The following DYSF variants were observed in gnomAD, a reference collection of about 807,000 sequenced individuals.
The protein encoded by DYSF is dysferlin, also known as dystrophy-associated fer-1-like 1.
Under a neutral mutation model 274.9 loss-of-function variants are expected in DYSF, and 212 were observed. The observed-to-expected ratio is 0.77, with a 90% confidence interval of 0.69 to 0.86. The LOEUF is 0.86. Ranked by LOEUF, DYSF falls within the 40% of genes least tolerant of loss-of-function variation. The pLI is 0.00. For synonymous variants in DYSF, 1,091 were observed against 1,078.7 expected (o/e 1.01, Z -0.22); for missense variants, 2,666 against 2,783.2 (o/e 0.96, Z 0.95).
At chr2:71,643,450 T>C (rs1212951322) in intron 41 of DYSF, among the ~76,000 whole-genome samples, 1 of 152,248 alleles carries the variant, frequency 6.6e-6, no homozygotes, top group Non-Finnish European at 1.5e-5. Context: ...GGTTAAGTGC[T>C]GATTTCCAAT....
At chr2:71,673,600 C>T (rs189784804) in intron 51 of DYSF, among the ~76,000 whole-genome samples, 53 of 152,124 alleles carry the variant, frequency 3.5e-4, no homozygotes, top group African/African-American at 1.2e-3. Flanking sequence ...GGGTGGGGTC[C>T]CTCAGGGTCT....
chr2:71,454,432 G>T (rs187400764), intron 1 of DYSF, among the ~76,000 whole-genome samples: 2 of 152,260 alleles, frequency 1.3e-5, no homozygotes, highest in East Asian at 1.9e-4. Flanking sequence ...GTACTGCAGG[G>T]CTCTCCTCCT....
In DYSF at chr2:71,548,414, G is replaced by T. The variant is rs138996763; in HGVS notation, c.1577-2627G>T. 2.7e-3 allele frequency among the ~76,000 whole-genome samples: 405 copies of T among 152,332 alleles called. 2 individuals are homozygous for T. Among genetic ancestry groups the T allele is most frequent in the African/African-American group, 9.2e-3 (381 of 41,584 alleles). On this transcript the variant is annotated intron_variant, in intron 17 of 55. Transcript: ENST00000410020. ...AACAAGGAAGGGAAGTAATCAGCAA[G>T]TTCACCAACCACATCCCGGGTGTGC...
chr2:71,665,252 C>T lies in DYSF; in HGVS notation c.5265C>T (p.Tyr1755=). 2 of 1,614,184 alleles carry T rather than the reference C, an allele frequency of 1.2e-6. No homozygotes were observed. The highest frequency in any genetic ancestry group is 8.5e-7 in the Non-Finnish European group (1 of 1,180,034). ...AGCATAGAGTCAAGGCACCTGTGTA[C>T]CGGACAGACCGTGTAATGTTTCAGG... is the stretch of plus-strand genomic sequence containing the variant. ...CQQHRVKAPV[Y]RTDRVMFQDK... is the part of the protein sequence containing the mutation. The change falls in exon 47 of 56, where the codon TAC becomes TAT. Residue 1755 remains tyrosine (Y), a synonymous_variant. Transcript: ENST00000410020.
intron 46 of DYSF, 73 bp from the exon 47 acceptor site, chr2:71,665,089 A>C: frequency 1.2e-6 from 2 of 1,605,158 alleles, no homozygotes; most frequent in Non-Finnish European, 1.7e-6. Context: ...GGGGTACACC[A>C]GTCCCTGCAT....
intron 3 of DYSF, among the ~76,000 whole-genome samples, chr2:71,490,322 G>T (rs1474789523): frequency 1.3e-5 from 2 of 152,206 alleles, no homozygotes; most frequent in Admixed American, 1.3e-4. Flanking sequence ...GGTGCCCATT[G>T]TTAACGATTT....
At chr2:71,524,419 C>T (rs1382165327) in intron 12 of DYSF, among the ~76,000 whole-genome samples, 3 of 152,108 alleles carry the variant, frequency 2.0e-5, no homozygotes, top group Non-Finnish European at 4.4e-5. Flanking sequence ...TTTATGGATG[C>T]CTGAAAGATG....
chr2:71,651,324 C>G (rs1292282056), intron 42 of DYSF, among the ~76,000 whole-genome samples: 2 of 152,036 alleles, frequency 1.3e-5, no homozygotes, highest in African/African-American at 2.4e-5. Context: ...GTAGAGAAAA[C>G]CAAGCCAAAA....
intron 9 of DYSF, 45 bp downstream of exon 9, chr2:71,516,287 C>T (rs374114774): frequency 1.3e-5 from 21 of 1,575,766 alleles, no homozygotes; most frequent in African/African-American, 9.4e-5. Context: ...TGTATGTATG[C>T]ACATAGGTGT....
chr2:71,455,433 G>A (rs150203251), intron 1 of DYSF, among the ~76,000 whole-genome samples: 134 of 152,258 alleles, frequency 8.8e-4, no homozygotes, highest in Middle Eastern at 6.8e-3. Context: ...TTTTCCTAAC[G>A]TGCTGCTTTG....
chr2:71,465,904 G>C (rs946987212), upstream of DYSF, among the ~76,000 whole-genome samples: 2 of 152,240 alleles, frequency 1.3e-5, no homozygotes, highest in African/African-American at 4.8e-5. Flanking sequence ...CCACTGTGGA[G>C]ACTAGGGAGT....
At chr2:71,599,610 G>A (rs1301635520) in intron 33 of DYSF, among the ~76,000 whole-genome samples, 2 of 152,226 alleles carry the variant, frequency 1.3e-5, no homozygotes, top group Admixed American at 1.3e-4. Flanking sequence ...GAGCAGGAGA[G>A]TGCTGACGTC....
rs181024621 is a variant in DYSF at position 71,623,603 on chromosome 2, T to C, written c.4527+2994T>C. The stretch of plus-strand genomic sequence containing the variant: ...TGTCATGTCATCCTTTTGGTATAAA[T>C]CATATCCAAAATGCATTATCCAGGA... On this transcript the variant is annotated intron_variant, in intron 41 of 55. Coordinates refer to ENST00000410020, the MANE Select transcript of DYSF (RefSeq NM_001130987.2). Among the ~76,000 whole-genome samples, 17 of 152,244 alleles carry C rather than the reference T, an allele frequency of 1.1e-4. No individual in the cohort carries two copies. The East Asian group carries it at 3.3e-3, about 29-fold the overall frequency.
At chr2:71,473,942 T>C (rs1472409932) in intron 1 of DYSF, among the ~76,000 whole-genome samples, 1 of 139,366 alleles carries the variant, frequency 7.2e-6, no homozygotes, top group African/African-American at 2.6e-5. Flanking sequence ...TTTTTTTTTT[T>C]TGAGACAGAG....
rs72900889 is a variant in DYSF at position 71,559,191 on chromosome 2, C to T, written c.2217-2561C>T. ...AGACCTATGAACCCAAGGTGCTGGA[C>T]ATGTCCACGTGGATGTCCCACCAGC... On this transcript the variant is annotated intron_variant, in intron 22 of 55. Transcript: ENST00000410020. Among the ~76,000 whole-genome samples, 1,207 of 152,318 alleles carry T rather than the reference C, an allele frequency of 7.9e-3. 13 individuals are homozygous for T. The highest frequency in any genetic ancestry group is 0.027 in the African/African-American group (1,128 of 41,566).
At chr2:71,511,274 C>T (rs765024533) in intron 4 of DYSF, among the ~76,000 whole-genome samples, 5 of 152,202 alleles carry the variant, frequency 3.3e-5, no homozygotes, top group East Asian at 1.9e-4. Flanking sequence ...ACACTGAGAC[C>T]CTCTCAGTGC....
At chr2:71,480,568 C>T (rs2082799571) in intron 1 of DYSF, among the ~76,000 whole-genome samples, 1 of 152,086 alleles carries the variant, frequency 6.6e-6, no homozygotes, top group African/African-American at 2.4e-5. Flanking sequence ...AAAAATAATA[C>T]TACAATCAGA....
At chr2:71,608,684 C>T (rs962639070) in intron 36 of DYSF, among the ~76,000 whole-genome samples, 7 of 152,202 alleles carry the variant, frequency 4.6e-5, no homozygotes, top group African/African-American at 1.7e-4. Context: ...CCTGAAGATG[C>T]GGAGCCTGGT....
chr2:71,535,760 G>A (rs778728526), intron 16 of DYSF, among the ~76,000 whole-genome samples: 4 of 152,120 alleles, frequency 2.6e-5, no homozygotes, highest in Non-Finnish European at 4.4e-5. Context: ...TGGAGGAGCC[G>A]ACCAGATTGC....
Sources: gnomAD v4.1 joint callset for allele counts (sites outside exome capture counted in the v4.1 genomes callset) on GRCh38, gnomAD v4.1.1 for gene constraint, MANE v1.5 for transcripts, NCBI Gene and HGNC (gene_info 2026-07-23, HGNC 2026-07-21) for gene names.